RYR2: variants seen among roughly 807,000 people sequenced by gnomAD.
RYR2 encodes the protein ryanodine receptor 2.
RYR2 carries 227 observed loss-of-function variants against 601.1 expected under a neutral mutation model. That is an observed-to-expected ratio of 0.38 (90% CI 0.34 to 0.42). The LOEUF is 0.42. Among genes scored for constraint, RYR2 ranks in the 10% least tolerant of loss-of-function variants. The probability of loss-of-function intolerance (pLI) is 1.00; values close to 1 mark genes in which losing one functional copy is unlikely to be tolerated. For synonymous variants in RYR2, 2,223 were observed against 2,175.1 expected (o/e 1.02, Z -0.61); for missense variants, 4,646 against 6,156.5 (o/e 0.75, Z 8.21).
intron 22 of RYR2, among the ~76,000 whole-genome samples, chr1:237,503,840 TGGGATTA>T (rs1439581485): frequency 3.3e-5 from 5 of 152,132 alleles, no homozygotes; most frequent in Non-Finnish European, 7.4e-5. Context: ...CCCAAGTAGC[TGGGATTA>T]CAGGCGCCCA....
intron 1 of RYR2, among the ~76,000 whole-genome samples, chr1:237,073,035 A>G (rs1664576800): frequency 6.6e-6 from 1 of 151,912 alleles, no homozygotes; most frequent in Non-Finnish European, 1.5e-5. Flanking sequence ...ACCTATTTCT[A>G]TCTTCGCCCC....
intron 1 of RYR2, among the ~76,000 whole-genome samples, chr1:237,269,420 C>T (rs1177320968): frequency 6.6e-6 from 1 of 151,686 alleles, no homozygotes; most frequent in Non-Finnish European, 1.5e-5. Flanking sequence ...TTATTCCCAT[C>T]ACCTCTGCCC....
chr1:237,670,447 G>T (rs1405298299), intron 58 of RYR2, among the ~76,000 whole-genome samples: 1 of 152,190 alleles, frequency 6.6e-6, no homozygotes, highest in Non-Finnish European at 1.5e-5. Flanking sequence ...ATAAATGTTT[G>T]TTAAATGAAT....
intron 17 of RYR2, among the ~76,000 whole-genome samples, chr1:237,487,732 C>CA (rs139689434): frequency 5.4e-5 from 8 of 149,058 alleles, no homozygotes; most frequent in East Asian, 2.0e-4. Context: ...GATCCTATCT[C>CA]AAAAAAAAAT....
At chr1:237,567,112 T>TC (rs2148256637) in intron 28 of RYR2, among the ~76,000 whole-genome samples, 1 of 16,884 alleles carries the variant, frequency 5.9e-5, no homozygotes, top group African/African-American at 6.8e-5. Flanking sequence ...CTATAATTAG[T>TC]GGTTTGTATG....
chr1:237,459,839 G>A (rs1659269863), intron 16 of RYR2, among the ~76,000 whole-genome samples: 2 of 152,132 alleles, frequency 1.3e-5, no homozygotes, highest in South Asian at 4.1e-4. Flanking sequence ...TTTGAGGTTG[G>A]CTTTTACTGG....
rs984954480 is a variant in RYR2, at chr1:237,304,478, C to T, written c.169-26400C>T. 3.0e-4 allele frequency among the ~76,000 whole-genome samples: 45 copies of T among 152,166 alleles called. 1 individual carries two copies. The highest frequency in any genetic ancestry group is 2.8e-3 in the Admixed American group (42 of 15,270). Reference sequence around the variant, plus strand: ...TCTCTGATTATTCTGAATCTCTGTACGTAAACTCAGTGCCCAGAAGATGCA... The same window carrying T: ...TCTCTGATTATTCTGAATCTCTGTATGTAAACTCAGTGCCCAGAAGATGCA... On this transcript the variant is annotated intron_variant, in intron 2 of 104. Transcript: ENST00000366574.
intron 35 of RYR2, among the ~76,000 whole-genome samples, chr1:237,609,772 A>C (rs916413937): frequency 2.0e-5 from 3 of 151,430 alleles, no homozygotes; most frequent in Non-Finnish European, 4.4e-5. Context: ...TGTCCCCCAA[A>C]CCCCCAGGCC....
intron 63 of RYR2, among the ~76,000 whole-genome samples, chr1:237,693,174 A>G (rs113796186): frequency 0.023 from 3,424 of 151,652 alleles, 55 homozygotes; most frequent in South Asian, 0.04. Flanking sequence ...AGAAAAATGT[A>G]GTACCTAATT....
chr1:237,112,280 A>AT (rs1482262559), intron 1 of RYR2, among the ~76,000 whole-genome samples: 1 of 152,072 alleles, frequency 6.6e-6, no homozygotes, highest in African/African-American at 2.4e-5. Context: ...CGCCTGGCTA[A>AT]TTTTTTGTAT....
At chr1:237,314,063 CTTT>C (rs397983391) in intron 2 of RYR2, among the ~76,000 whole-genome samples, 2 of 82,330 alleles carry the variant, frequency 2.4e-5, no homozygotes, top group Non-Finnish European at 4.2e-5. Context: ...ACATGAATTT[CTTT>C]TTTTTTTTTT....
intron 8 of RYR2, 54 bp downstream of exon 8, chr1:237,377,489 A>T: frequency 7.6e-7 from 1 of 1,324,492 alleles, no homozygotes; most frequent in Non-Finnish European, 1.1e-6. Flanking sequence ...TGACAAGTCA[A>T]TAAAATGATC....
At chr1:237,469,361 A>G (rs1166387665) in intron 17 of RYR2, among the ~76,000 whole-genome samples, 174 bp downstream of exon 17, 2 of 150,828 alleles carry the variant, frequency 1.3e-5, no homozygotes, top group East Asian at 3.9e-4. Context: ...TGAGGCTAGG[A>G]GTTTGAGGCT....
chr1:237,650,950 A>G (rs10925483), intron 50 of RYR2, among the ~76,000 whole-genome samples: 8,345 of 152,332 alleles, frequency 0.055, 591 homozygotes, highest in African/African-American at 0.16. Context: ...GACACAGTAG[A>G]TGTTCACTGT....
At chr1:237,678,298 T>C (rs1029883557) in intron 61 of RYR2, among the ~76,000 whole-genome samples, 186 bp downstream of exon 61, 2 of 152,228 alleles carry the variant, frequency 1.3e-5, no homozygotes, top group Admixed American at 6.5e-5. Context: ...ACTTTAACTC[T>C]GCATTCCCTA....
chr1:237,062,687 C>T (rs1384255456), intron 1 of RYR2, among the ~76,000 whole-genome samples: 1 of 152,044 alleles, frequency 6.6e-6, no homozygotes, highest in African/African-American at 2.4e-5. Context: ...TTTTGCTTCT[C>T]AGTTTTCATT....
chr1:237,623,933 C>A, intron 39 of RYR2, 63 bp downstream of exon 39: 1 of 1,063,324 alleles, frequency 9.4e-7, no homozygotes. Context: ...TATCCTGAGA[C>A]GAAATTAAGT....
At chr1:237,660,678 T>A in intron 55 of RYR2, 132 bp from the exon 56 acceptor site, 2 of 761,682 alleles carry the variant, frequency 2.6e-6, no homozygotes, top group Non-Finnish European at 3.9e-6. Flanking sequence ...ACTTTCCTTT[T>A]TATATTTTTA....
At chr1:237,436,040 T>A (rs1160617563) in intron 12 of RYR2, among the ~76,000 whole-genome samples, 1 of 152,108 alleles carries the variant, frequency 6.6e-6, no homozygotes, top group Non-Finnish European at 1.5e-5. Context: ...TAGAGTCCCA[T>A]GGAAACTAGC....
Sources: allele counts gnomAD v4.1 joint callset (sites outside exome capture counted in the v4.1 genomes callset), GRCh38; gene constraint gnomAD v4.1.1; transcripts MANE v1.5; gene names NCBI Gene and HGNC (gene_info 2026-07-23, HGNC 2026-07-21).